The following DMD variants were observed in gnomAD, a reference collection of about 807,000 sequenced individuals.
The protein encoded by DMD is mutant dystrophin.
DMD carries 63 observed loss-of-function variants against 330.1 expected under a neutral mutation model. The observed-to-expected ratio is 0.19, with a 90% CI of 0.16 to 0.24. The LOEUF is 0.24. Among genes scored for constraint, DMD ranks in the 10% least tolerant of loss-of-function variants. The pLI is 1.00. For missense variants in DMD, 3,344 were observed against 2,684.1 expected (o/e 1.25, Z -5.43); for synonymous variants, 1,223 against 959.8 (o/e 1.27, Z -5.07).
intron 28 of DMD, 108 bp from the exon 29 acceptor site, chrX:32,438,498 A>C: frequency 1.2e-5 from 11 of 949,999 alleles, no homozygotes; most frequent in Non-Finnish European, 1.5e-5. Context: ...AGTCATAATC[A>C]ATTTAAAGCA....
chrX:32,543,140 A>G, intron 17 of DMD, among the ~76,000 whole-genome samples: 1 of 111,634 alleles, frequency 9.0e-6, no homozygotes, highest in African/African-American at 3.3e-5. Context: ...TGAATCTACT[A>G]CTGAGCACAT....
intron 55 of DMD, among the ~76,000 whole-genome samples, chrX:31,521,454 C>T (rs368582767): frequency 3.4e-4 from 38 of 112,345 alleles, no homozygotes; most frequent in African/African-American, 1.2e-3. Context: ...TGAGCCACTG[C>T]ACCTGGACTA....
intron 4 of DMD, among the ~76,000 whole-genome samples, chrX:32,830,937 T>C (rs190512827): frequency 1.8e-5 from 2 of 111,516 alleles, no homozygotes; most frequent in Non-Finnish European, 3.8e-5. Context: ...GAAAACCTAA[T>C]ACATTAAATT....
At chrX:33,277,776 C>G (rs776620156) in intron 1 of DMD, among the ~76,000 whole-genome samples, 1 of 111,378 alleles carries the variant, frequency 9.0e-6, no homozygotes, top group Admixed American at 9.6e-5. Context: ...CGGGCAACCA[C>G]TCATCTATTT....
At chrX:32,772,208 G>A (rs1346475213) in intron 7 of DMD, among the ~76,000 whole-genome samples, 1 of 112,296 alleles carries the variant, frequency 8.9e-6, no homozygotes, top group East Asian at 2.8e-4. Flanking sequence ...CTTCATTTTT[G>A]AATGCCGTTA....
intron 1 of DMD, among the ~76,000 whole-genome samples, chrX:33,173,316 T>C (rs994742387): frequency 7.2e-5 from 8 of 111,666 alleles, no homozygotes; most frequent in African/African-American, 1.9e-4. Context: ...ACTAAAATCA[T>C]GAATTTATTG....
At chrX:31,654,376 C>A (rs964335004) in intron 54 of DMD, among the ~76,000 whole-genome samples, 1 of 111,893 alleles carries the variant, frequency 8.9e-6, no homozygotes, top group Non-Finnish European at 1.9e-5. Flanking sequence ...AAACTTTCCA[C>A]AGAATCCCTC....
At chrX:31,335,898 G>A (rs2057382614) in intron 61 of DMD, among the ~76,000 whole-genome samples, 1 of 112,338 alleles carries the variant, frequency 8.9e-6, no homozygotes, top group African/African-American at 3.2e-5. Flanking sequence ...ATAGGGAGAA[G>A]TCAAGGTGAA....
intron 44 of DMD, among the ~76,000 whole-genome samples, chrX:31,972,755 A>G (rs1161300849): frequency 8.9e-6 from 1 of 111,829 alleles, no homozygotes; most frequent in Non-Finnish European, 1.9e-5. Context: ...TAAATCATTA[A>G]CCGAGTTTAC....
At chrX:32,408,521 A>G (rs2098128206) in intron 30 of DMD, among the ~76,000 whole-genome samples, 1 of 111,802 alleles carries the variant, frequency 8.9e-6, no homozygotes, top group Non-Finnish European at 1.9e-5. Flanking sequence ...CGATCTTAAA[A>G]TGCAGAAAAA....
intron 2 of DMD, among the ~76,000 whole-genome samples, chrX:32,980,770 C>T (rs996258258): frequency 2.7e-5 from 3 of 111,822 alleles, no homozygotes; most frequent in African/African-American, 9.7e-5. Flanking sequence ...CACCTAGGTT[C>T]GTAATCAATT....
At chrX:32,631,544 G>T (rs892673108) in intron 11 of DMD, among the ~76,000 whole-genome samples, 13 of 111,780 alleles carry the variant, frequency 1.2e-4, no homozygotes, top group African/African-American at 3.9e-4. Context: ...GAAGAAAAGA[G>T]GCTTAAATGG....
At chrX:33,208,658 CTT>C (rs1009595938) in intron 1 of DMD, among the ~76,000 whole-genome samples, 11 of 110,586 alleles carry the variant, frequency 9.9e-5, no homozygotes, top group African/African-American at 2.9e-4. Flanking sequence ...TCTTAGGAAA[CTT>C]TATACCCTGT....
chrX:32,474,636 G>A, intron 21 of DMD, among the ~76,000 whole-genome samples: 1 of 111,745 alleles, frequency 8.9e-6, no homozygotes, highest in Non-Finnish European at 1.9e-5. Flanking sequence ...TTTTTCATAA[G>A]TTTGTTGACC....
chrX:31,850,239 T>G (rs967153695), intron 48 of DMD, among the ~76,000 whole-genome samples: 1 of 112,103 alleles, frequency 8.9e-6, no homozygotes, highest in East Asian at 2.8e-4. Context: ...ACTATTGTTA[T>G]GTAAACTAAG....
intron 2 of DMD, among the ~76,000 whole-genome samples, chrX:32,883,823 CAAAAAAAA>C (rs56150142): frequency 9.2e-4 from 28 of 30,335 alleles, no homozygotes; most frequent in South Asian, 3.1e-3. Flanking sequence ...GACTCTGTTT[CAAAAAAAA>C]AAAAAAAAAA....
At chrX:31,694,617 C>CATATATATATATATATATATAT (rs34933227) in intron 52 of DMD, among the ~76,000 whole-genome samples, 2 of 58,186 alleles carry the variant, frequency 3.4e-5, no homozygotes, top group Non-Finnish European at 5.9e-5. Flanking sequence ...TGACAAACAG[C>CATATATATATATATATATATAT]ATATATATAT....
At chrX:32,919,098 C>CA (rs1192575780) in intron 2 of DMD, among the ~76,000 whole-genome samples, 1 of 111,528 alleles carries the variant, frequency 9.0e-6, no homozygotes, top group East Asian at 2.8e-4. Context: ...AGGAAAATGA[C>CA]AAAAAATAGA....
intron 51 of DMD, among the ~76,000 whole-genome samples, chrX:31,745,973 G>T (rs943935706): frequency 1.8e-5 from 2 of 111,562 alleles, no homozygotes; most frequent in Non-Finnish European, 3.8e-5. Flanking sequence ...TGCTGCACTA[G>T]ACCTGATATT....
Sources: gnomAD v4.1 joint callset for allele counts (sites outside exome capture counted in the v4.1 genomes callset) on GRCh38, gnomAD v4.1.1 for gene constraint, MANE v1.5 for transcripts, NCBI Gene and HGNC (gene_info 2026-07-23, HGNC 2026-07-21) for gene names.